Variants in RBFOX1 observed in about 807,000 individuals in gnomAD.
The protein encoded by RBFOX1 is RNA binding protein fox-1 homolog 1.
A neutral mutation model predicts 57.7 loss-of-function variants in RBFOX1; 8 were observed. The ratio of observed to expected loss-of-function variants is 0.14; its 90% CI spans 0.08 to 0.25. RBFOX1 has a LOEUF of 0.25. Among genes scored for constraint, RBFOX1 ranks in the 10% least tolerant of loss-of-function variants. The pLI, the probability that RBFOX1 is intolerant of heterozygous loss-of-function variation, is 1.00. For synonymous variants in RBFOX1, 326 were observed against 222.4 expected, an observed-to-expected ratio of 1.47 and a Z score of -4.15; for missense variants, 611 against 548.5, an observed-to-expected ratio of 1.11 and a Z score of -1.14.
chr16:6,607,430 C>CTCTCTCTCGCTCTCTA (rs1555608005), intron 2 of RBFOX1, among the ~76,000 whole-genome samples: 1 of 150,482 alleles, frequency 6.6e-6, no homozygotes, highest in Non-Finnish European at 1.5e-5. Context: ...CTCTCTCTCT[C>CTCTCTCTCGCTCTCTA]TCTCTCGCTC....
At chr16:7,413,078 T>A (rs943786973) in intron 4 of RBFOX1, among the ~76,000 whole-genome samples, 1 of 151,518 alleles carries the variant, frequency 6.6e-6, no homozygotes, top group African/African-American at 2.4e-5. Context: ...AAAAATAAAA[T>A]AAAAAATAAA....
intron 1 of RBFOX1, among the ~76,000 whole-genome samples, chr16:5,362,475 G>A (rs2065580542): frequency 6.6e-6 from 1 of 152,230 alleles, no homozygotes; most frequent in South Asian, 2.1e-4. Flanking sequence ...CGATTCTCCT[G>A]CCTCAGTCTC....
chr16:7,473,956 C>T lies in RBFOX1; in HGVS notation c.28-44191C>T, dbSNP rs531634789. On this transcript the variant is annotated intron_variant, in intron 4 of 15. Transcript: ENST00000550418. ...CTCTACCTATTAACTGGCAAGCAAT[C>T]GAGACGTTATTTAAAAATCAATATT... Among the ~76,000 whole-genome samples, 10 of 152,202 alleles carry T rather than the reference C, an allele frequency of 6.6e-5. No homozygotes were observed. The South Asian group carries it at 8.3e-4, about 13-fold the overall frequency.
At chr16:5,876,042 G>A (rs1404730901) in intron 4 of RBFOX1, among the ~76,000 whole-genome samples, 2 of 151,892 alleles carry the variant, frequency 1.3e-5, no homozygotes, top group African/African-American at 2.4e-5. Context: ...AAGGGGTTTC[G>A]CCGTGTTAGC....
At chr16:6,482,651 G>A (rs1459963987) in intron 2 of RBFOX1, among the ~76,000 whole-genome samples, 1 of 152,162 alleles carries the variant, frequency 6.6e-6, no homozygotes, top group Non-Finnish European at 1.5e-5. Flanking sequence ...ACGTAACGTG[G>A]AAAAAGAGTT....
chr16:5,652,974 C>A (rs2049289068), intron 3 of RBFOX1, among the ~76,000 whole-genome samples: 2 of 152,236 alleles, frequency 1.3e-5, no homozygotes, highest in Non-Finnish European at 2.9e-5. Context: ...TGTGCACACT[C>A]AACCTGCTGA....
At chr16:7,229,568 G>A (rs576627124) in intron 4 of RBFOX1, among the ~76,000 whole-genome samples, 1 of 145,576 alleles carries the variant, frequency 6.9e-6, no homozygotes, top group East Asian at 2.1e-4. Flanking sequence ...GGAAGGGAGG[G>A]AGGGGAAGGA....
intron 1 of RBFOX1, among the ~76,000 whole-genome samples, chr16:5,399,491 T>A (rs2066653917): frequency 6.6e-6 from 1 of 152,168 alleles, no homozygotes; most frequent in Admixed American, 6.5e-5. Flanking sequence ...ACCATTAACA[T>A]TTTGGTGAAT....
intron 4 of RBFOX1, among the ~76,000 whole-genome samples, chr16:6,004,109 G>A (rs2060651388): frequency 6.6e-6 from 1 of 152,226 alleles, no homozygotes; most frequent in Non-Finnish European, 1.5e-5. Context: ...GTGATGGGTT[G>A]ATAGGTGCAG....
chr16:6,087,811 C>T (rs1262648418), intron 1 of RBFOX1, among the ~76,000 whole-genome samples: 1 of 152,108 alleles, frequency 6.6e-6, no homozygotes, highest in Non-Finnish European at 1.5e-5. Context: ...CACCACCACA[C>T]CCAGTTAATT....
rs2068335714 is a variant in RBFOX1 at position 5,448,915 on chromosome 16, G to A, written c.220-18301G>A. Among the ~76,000 whole-genome samples the A allele has an allele frequency of 2.0e-5, 3 of 151,952 alleles. No individual in the cohort carries two copies. The South Asian group carries it at 6.2e-4, about 32-fold the overall frequency. ...GCCTGCTACCTGCCTCTTCAGCTTG[G>A]AATACGTGTCTCCTCCCACTCTCTA... is the stretch of plus-strand genomic sequence containing the variant. On this transcript the variant is annotated intron_variant, in intron 1 of 2. Transcript: ENST00000585867.
intron 2 of RBFOX1, among the ~76,000 whole-genome samples, chr16:5,551,149 T>G (rs1451831831): frequency 2.0e-5 from 3 of 152,196 alleles, no homozygotes; most frequent in African/African-American, 7.2e-5. Context: ...AGAGTTGAGG[T>G]GTTTTTCTTC....
intron 1 of RBFOX1, among the ~76,000 whole-genome samples, chr16:6,046,924 A>G (rs2095501449): frequency 6.6e-6 from 1 of 152,158 alleles, no homozygotes; most frequent in Non-Finnish European, 1.5e-5. Context: ...CCTTGGCCAG[A>G]TGTCTAAGTA....
intron 1 of RBFOX1, among the ~76,000 whole-genome samples, chr16:6,160,421 A>G (rs868412416): frequency 6.6e-6 from 1 of 152,180 alleles, no homozygotes; most frequent in Non-Finnish European, 1.5e-5. Context: ...TGTCTAAAAT[A>G]GGGAAGTCAA....
intron 3 of RBFOX1, among the ~76,000 whole-genome samples, chr16:6,863,386 A>G (rs1050330773): frequency 6.6e-6 from 1 of 152,134 alleles, no homozygotes; most frequent in African/African-American, 2.4e-5. Flanking sequence ...ATGTATGGCT[A>G]AAGATTCAAA....
intron 12 of RBFOX1, among the ~76,000 whole-genome samples, chr16:7,654,340 C>T (rs1233825609): frequency 6.6e-6 from 1 of 152,170 alleles, no homozygotes; most frequent in African/African-American, 2.4e-5. Flanking sequence ...GGTTTTCATA[C>T]ATAAAAATCA....
At chr16:7,378,582 C>A (rs949364648) in intron 4 of RBFOX1, among the ~76,000 whole-genome samples, 2 of 152,176 alleles carry the variant, frequency 1.3e-5, no homozygotes, top group Admixed American at 1.3e-4. Flanking sequence ...TAATCTGGGA[C>A]ATGGTGGTGG....
chr16:7,025,750 T>TC (rs1464363544), intron 3 of RBFOX1, among the ~76,000 whole-genome samples: 1 of 151,944 alleles, frequency 6.6e-6, no homozygotes, highest in Non-Finnish European at 1.5e-5. Context: ...GCCATGGGCG[T>TC]CCCGGGGAAT....
At chr16:5,919,693 T>C (rs547954152) in intron 4 of RBFOX1, among the ~76,000 whole-genome samples, 45 of 152,262 alleles carry the variant, frequency 3.0e-4, no homozygotes, top group African/African-American at 1.1e-3. Flanking sequence ...TTCACAAGGT[T>C]GTGCCACCAC....
Sources: gnomAD v4.1 joint callset for allele counts (sites outside exome capture counted in the v4.1 genomes callset) on GRCh38, gnomAD v4.1.1 for gene constraint, MANE v1.5 for transcripts, NCBI Gene and HGNC (gene_info 2026-07-23, HGNC 2026-07-21) for gene names.